PITPNM2: variants seen among roughly 807,000 people sequenced by gnomAD.
PITPNM2 encodes membrane-associated phosphatidylinositol transfer protein 2.
A neutral mutation model predicts 132.2 loss-of-function variants in PITPNM2; 35 were observed. The observed-to-expected ratio is 0.26, with a 90% confidence interval of 0.20 to 0.35. The LOEUF (loss-of-function observed/expected upper bound fraction) is 0.35, where lower values mean the gene tolerates loss of function less well. Among genes scored for constraint, PITPNM2 ranks in the 10% least tolerant of loss-of-function variants. The pLI, the probability that PITPNM2 is intolerant of heterozygous loss-of-function variation, is 1.00. For missense variants in PITPNM2, 1,332 were observed against 1,912.0 expected (o/e 0.70, Z 5.66); for synonymous variants, 738 against 799.2 (o/e 0.92, Z 1.29).
chr12:122,988,636 TC>T, intron 19 of PITPNM2, 87 bp downstream of exon 19: 1 of 1,346,248 alleles, frequency 7.4e-7, no homozygotes, highest in Non-Finnish European at 1.0e-6. Context: ...TGGAGAGGAG[TC>T]CCCACTGTCC....
intron 2 of PITPNM2, among the ~76,000 whole-genome samples, chr12:123,054,077 C>A (rs2040945453): frequency 6.6e-6 from 1 of 152,050 alleles, no homozygotes; most frequent in Non-Finnish European, 1.5e-5. Flanking sequence ...TCATTTTTCA[C>A]TTGCTATATC....
chr12:122,985,842 G>T lies in PITPNM2; in HGVS notation c.*185C>A. On this transcript the variant is annotated 3_prime_UTR_variant, in exon 26 of 26. Coordinates refer to ENST00000320201, the MANE Select transcript of PITPNM2 (RefSeq NM_020845.3). ...CCCTGCCAGCTTCCATGACAAGCCGGACCCGTCAGGCCCGAGGACGTGAGG... is the reference window on the plus strand; with the variant it reads ...CCCTGCCAGCTTCCATGACAAGCCGTACCCGTCAGGCCCGAGGACGTGAGG... 1 of 517,220 alleles carries T rather than the reference G, an allele frequency of 1.9e-6. No homozygotes were observed. The highest frequency in any genetic ancestry group is 3.1e-6 in the Non-Finnish European group (1 of 322,342). The allele number at this position is 517,220 out of a possible 1,614,324, so 32.0% of individuals were successfully genotyped here.
In PITPNM2 at chr12:122,996,303, G is replaced by GTTAAC. The variant is rs1594128489; in HGVS notation, c.1782+154_1782+155insGTTAA. On this transcript the variant is annotated intron_variant, in intron 13 of 25. Transcript: ENST00000320201. ...TGTTGAATGAACAGAGCTTAACTGGGTAGAGTCCAAGCCAGATGGACTCAG... is the reference window on the plus strand; with the variant it reads ...TGTTGAATGAACAGAGCTTAACTGGGTTAACTAGAGTCCAAGCCAGATGGACTCAG... Among the ~76,000 whole-genome samples the GTTAAC allele has an allele frequency of 2.6e-5, 4 of 152,312 alleles. No homozygotes were observed. The East Asian group carries it at 7.7e-4, about 29-fold the overall frequency.
At chr12:123,050,322 ACT>A (rs1226365079) in intron 2 of PITPNM2, among the ~76,000 whole-genome samples, 1 of 152,112 alleles carries the variant, frequency 6.6e-6, no homozygotes, top group Non-Finnish European at 1.5e-5. Context: ...GTTTATAAAC[ACT>A]CTGCCACAAC....
At chr12:123,135,452 C>T (rs2043358246) in intron 1 of PITPNM2, among the ~76,000 whole-genome samples, 1 of 151,952 alleles carries the variant, frequency 6.6e-6, no homozygotes, top group African/African-American at 2.4e-5. Context: ...TGTTGTATAG[C>T]AGATCTCTAG....
chr12:123,148,198 C>T (rs1288989164), intron 1 of PITPNM2, among the ~76,000 whole-genome samples: 1 of 152,140 alleles, frequency 6.6e-6, no homozygotes, highest in Non-Finnish European at 1.5e-5. Flanking sequence ...ACCACTTAGC[C>T]GCATCTGTGT....
intron 2 of PITPNM2, among the ~76,000 whole-genome samples, chr12:123,065,942 A>G (rs1476322700): frequency 1.3e-5 from 2 of 152,182 alleles, no homozygotes; most frequent in African/African-American, 4.8e-5. Context: ...CCAGAGCAAG[A>G]TTGTCTTTCA....
intron 2 of PITPNM2, among the ~76,000 whole-genome samples, chr12:123,109,074 A>G (rs1056250247): frequency 1.3e-5 from 2 of 152,186 alleles, no homozygotes; most frequent in African/African-American, 2.4e-5. Flanking sequence ...GGCACTGCTC[A>G]TGGTTACTGT....
chr12:123,036,081 T>C lies in PITPNM2; in HGVS notation c.-95-1396A>G, dbSNP rs2136477300. ...GACAGCAGCCAGGGAGGATTCACAG[T>C]GACCATGGGCAGGACTCCTGCTAAG... On this transcript the variant is annotated intron_variant, in intron 2 of 25. Coordinates refer to ENST00000320201, the MANE Select transcript of PITPNM2 (RefSeq NM_020845.3). The surrounding 1 kb of genome is among the most constrained non-coding windows in gnomAD (Gnocchi z 4.1). Among the ~76,000 whole-genome samples the C allele has an allele frequency of 6.6e-6, 1 of 152,292 alleles. No homozygotes were observed. The highest frequency in any genetic ancestry group is 3.4e-3 in the Middle Eastern group (1 of 294).
Position 122,985,995 on chromosome 12 carries a change from C to T in PITPNM2, c.*32G>A. ...CGGGGCTGGCCACCCTGGCCTAGCA[C>T]CATGGAGACCCCGCGCTGCACTCAC... On this transcript the variant is annotated 3_prime_UTR_variant, in exon 26 of 26. Coordinates refer to ENST00000320201, the MANE Select transcript of PITPNM2 (RefSeq NM_020845.3). 22 of 1,373,316 alleles carry T rather than the reference C, an allele frequency of 1.6e-5. No homozygotes were observed. Among genetic ancestry groups the T allele is most frequent in the Non-Finnish European group, 2.1e-5 (22 of 1,071,318 alleles). 85.1% of individuals were successfully genotyped at this position (1,373,316 alleles called of 1,614,324 possible).
At chr12:123,075,684 C>T (rs574504701) in intron 2 of PITPNM2, 1 of 152,362 alleles carries the variant, frequency 6.6e-6, no homozygotes, top group East Asian at 1.9e-4. Flanking sequence ...CTCCAAGCTG[C>T]TCTCACGCCC....
intron 18 of PITPNM2, 95 bp downstream of exon 18, chr12:122,989,692 G>T: frequency 8.3e-7 from 1 of 1,206,246 alleles, no homozygotes; most frequent in Non-Finnish European, 1.1e-6. Flanking sequence ...CTCCCTGTTA[G>T]GCCGAAGCGG....
At chr12:123,086,956 C>G (rs7967118) in intron 2 of PITPNM2, among the ~76,000 whole-genome samples, 5,135 of 152,256 alleles carry the variant, frequency 0.034, 144 homozygotes, top group East Asian at 0.17. Context: ...CCTTGGTACT[C>G]AGTTCTGCTC....
chr12:123,026,708 T>A (rs1237392091), intron 3 of PITPNM2, among the ~76,000 whole-genome samples: 1 of 152,332 alleles, frequency 6.6e-6, no homozygotes, highest in East Asian at 1.9e-4. Flanking sequence ...TCAGGCAGAC[T>A]TCACGCCTTT....
At chr12:123,075,411 T>C (rs2041753535) in intron 2 of PITPNM2, among the ~76,000 whole-genome samples, 1 of 152,192 alleles carries the variant, frequency 6.6e-6, no homozygotes, top group Non-Finnish European at 1.5e-5. Context: ...ACAGCCTGGG[T>C]GGTGGATTCC....
chr12:123,149,589 T>C (rs1269111220), intron 1 of PITPNM2, among the ~76,000 whole-genome samples: 3 of 152,112 alleles, frequency 2.0e-5, no homozygotes, highest in African/African-American at 7.2e-5. Flanking sequence ...CAGAGATGAA[T>C]CAACTCCAGC....
chr12:122,999,944 G>C (rs769336289), intron 10 of PITPNM2, among the ~76,000 whole-genome samples: 1 of 152,182 alleles, frequency 6.6e-6, no homozygotes, highest in African/African-American at 2.4e-5. Flanking sequence ...AAAGGGATCC[G>C]TTTGCTTATC....
Position 123,082,884 on chromosome 12 carries a change from C to T in PITPNM2, c.-96+27501G>A, listed in dbSNP as rs931680345. 1 of 152,302 alleles carries T rather than the reference C, an allele frequency of 6.6e-6. No homozygotes were observed. The highest frequency in any genetic ancestry group is 1.5e-5 in the Non-Finnish European group (1 of 68,088). The allele number at this position is 152,302 out of a possible 1,614,324, so 9.4% of individuals were successfully genotyped here. A position where few individuals can be genotyped will look rare whatever the true frequency, so the allele number is the denominator to read the frequency against. On this transcript the variant is annotated intron_variant, in intron 2 of 25. Coordinates refer to ENST00000320201, the MANE Select transcript of PITPNM2 (RefSeq NM_020845.3). The surrounding 1 kb of genome is among the most constrained non-coding windows in gnomAD (Gnocchi z 5.4). ...ACAATAACTCCCCATTCCCTCTTCA[C>T]CAGCCCCAGCACTCACTGTTCTACT...
chr12:122,998,156 C>T (rs2038509910), intron 10 of PITPNM2, among the ~76,000 whole-genome samples: 1 of 152,246 alleles, frequency 6.6e-6, no homozygotes, highest in African/African-American at 2.4e-5. Context: ...CCAAGTCATT[C>T]TCCCCAGGCC....
Sources: allele counts gnomAD v4.1 joint callset (sites outside exome capture counted in the v4.1 genomes callset), GRCh38; gene constraint gnomAD v4.1.1; non-coding constraint Gnocchi (gnomAD v3.1); transcripts MANE v1.5; gene names NCBI Gene and HGNC (gene_info 2026-07-23, HGNC 2026-07-21).